Variants in FUT9 observed in about 807,000 individuals in gnomAD.
FUT9 encodes the protein fucosyltransferase 9.
FUT9 carries 15 observed loss-of-function variants against 29.7 expected under a neutral mutation model. The observed-to-expected ratio is 0.51, with a 90% CI of 0.34 to 0.78. The LOEUF (loss-of-function observed/expected upper bound fraction) is 0.78, where lower values mean the gene tolerates loss of function less well. Ranked by LOEUF, FUT9 falls within the 30% of genes least tolerant of loss-of-function variation. The pLI is 0.01. For missense variants in FUT9, 319 were observed against 425.4 expected, an observed-to-expected ratio of 0.75 and a Z score of 2.20; for synonymous variants, 169 against 153.7, an observed-to-expected ratio of 1.10 and a Z score of -0.74.
At chr6:96,031,954 T>C (rs1403887905) in intron 1 of FUT9, among the ~76,000 whole-genome samples, 1 of 151,552 alleles carries the variant, frequency 6.6e-6, no homozygotes, top group Non-Finnish European at 1.5e-5. Flanking sequence ...CTGTAGCCAA[T>C]GTGGCCTATG....
At chr6:96,101,699 G>A (rs1771588551) in intron 1 of FUT9, among the ~76,000 whole-genome samples, 2 of 151,902 alleles carry the variant, frequency 1.3e-5, no homozygotes, top group South Asian at 4.2e-4. Flanking sequence ...TGTTGCCCAG[G>A]CTGGAGTGCA....
At chr6:96,080,372 A>G (rs1475166756) in intron 1 of FUT9, among the ~76,000 whole-genome samples, 173 of 152,152 alleles carry the variant, frequency 1.1e-3, no homozygotes, top group Non-Finnish European at 1.6e-4. Context: ...TGAAGAGATC[A>G]ATAAAATGAA....
intron 2 of FUT9, among the ~76,000 whole-genome samples, chr6:96,129,978 A>T (rs528551256): frequency 4.6e-5 from 7 of 152,054 alleles, no homozygotes; most frequent in Non-Finnish European, 8.8e-5. Flanking sequence ...ATTTTACCAC[A>T]GTTGTAGGGC....
At chr6:96,197,200 G>A (rs1459868740) in intron 2 of FUT9, among the ~76,000 whole-genome samples, 1 of 152,136 alleles carries the variant, frequency 6.6e-6, no homozygotes, top group Non-Finnish European at 1.5e-5. Context: ...ACTGTCTAAA[G>A]AGAAACCCAC....
At chr6:96,018,344 A>G (rs1054471639) in intron 1 of FUT9, among the ~76,000 whole-genome samples, 3 of 152,204 alleles carry the variant, frequency 2.0e-5, no homozygotes, top group Admixed American at 1.3e-4. Context: ...AATGTATTCT[A>G]ATATAATTCC....
intron 2 of FUT9, among the ~76,000 whole-genome samples, chr6:96,118,318 A>T (rs1344165125): frequency 6.8e-6 from 1 of 147,668 alleles, no homozygotes; most frequent in Non-Finnish European, 1.5e-5. Flanking sequence ...TGCAAGAACC[A>T]AAAAAAAAAG....
chr6:96,135,629 G>GAA (rs939064574), intron 2 of FUT9, among the ~76,000 whole-genome samples: 2 of 151,420 alleles, frequency 1.3e-5, no homozygotes, highest in East Asian at 3.9e-4. Flanking sequence ...CCAGTTTCAG[G>GAA]AAAAAAAAGG....
At chr6:96,144,011 T>A (rs1303258437) in intron 2 of FUT9, among the ~76,000 whole-genome samples, 1 of 152,186 alleles carries the variant, frequency 6.6e-6, no homozygotes, top group East Asian at 1.9e-4. Context: ...AATAGTGAAC[T>A]GTACCCCTTA....
chr6:96,114,326 A>G (rs1448939961), intron 2 of FUT9, among the ~76,000 whole-genome samples, 199 bp downstream of exon 2: 1 of 152,038 alleles, frequency 6.6e-6, no homozygotes, highest in Non-Finnish European at 1.5e-5. Context: ...TTAAAGTTAA[A>G]AATAATTTTC....
In FUT9 at chr6:96,204,455, T is replaced by G. The variant is rs1008934389; in HGVS notation, c.*220T>G. The G allele has an allele frequency of 3.0e-6, 1 of 328,368 alleles. No homozygotes were observed. The highest frequency in any genetic ancestry group is 5.8e-6 in the Non-Finnish European group (1 of 172,574). 20.3% of individuals were successfully genotyped at this position (328,368 alleles called of 1,614,324 possible). A position where few individuals can be genotyped will look rare whatever the true frequency, so the allele number is the denominator to read the frequency against. On this transcript the variant is annotated 3_prime_UTR_variant, in exon 3 of 3. Transcript: ENST00000302103. ...CCTGTATATACCTAATTATGTGCAC[T>G]GGAGAGTAATTTATTCTTCATTATC...
intron 2 of FUT9, among the ~76,000 whole-genome samples, chr6:96,190,639 C>G (rs191011139): frequency 6.6e-5 from 10 of 152,236 alleles, no homozygotes; most frequent in East Asian, 1.9e-4. Context: ...CTTCTCTTCT[C>G]ACTTCATTTC....
At chr6:96,154,582 G>T (rs946372468) in intron 2 of FUT9, among the ~76,000 whole-genome samples, 4 of 152,164 alleles carry the variant, frequency 2.6e-5, no homozygotes, top group Non-Finnish European at 5.9e-5. Context: ...GGTATAGTCT[G>T]ATCAAGTCAC....
At chr6:96,123,245 TTAC>T (rs1262607014) in intron 2 of FUT9, among the ~76,000 whole-genome samples, 1 of 152,162 alleles carries the variant, frequency 6.6e-6, no homozygotes, top group Non-Finnish European at 1.5e-5. Flanking sequence ...GTTGAACGAA[TTAC>T]TAACTTCCAG....
At chr6:96,117,174 TG>T (rs1367286397) in intron 2 of FUT9, among the ~76,000 whole-genome samples, 1 of 152,180 alleles carries the variant, frequency 6.6e-6, no homozygotes, top group Non-Finnish European at 1.5e-5. Context: ...GTATTTTAGT[TG>T]ATTTTTTTCA....
At position 96,208,021 on chromosome 6, in the gene FUT9, G is replaced by T. The variant is rs992558268; in HGVS notation, c.*3786G>T. 5 of 166,708 alleles carry T rather than the reference G, an allele frequency of 3.0e-5. No homozygotes were observed. Among genetic ancestry groups the T allele is most frequent in the African/African-American group, 1.2e-4 (5 of 41,390 alleles). The allele number at this position is 166,708 out of a possible 1,614,324, so 10.3% of individuals were successfully genotyped here. A position where few individuals can be genotyped will look rare whatever the true frequency, so the allele number is the denominator to read the frequency against. On this transcript the variant is annotated 3_prime_UTR_variant, in exon 3 of 3. Coordinates refer to ENST00000302103, the MANE Select transcript of FUT9 (RefSeq NM_006581.4). Reference sequence around the variant, plus strand: ...GGGAAACAAATACATGCTTAAAATTGTTATATTTACTGTAAAACTCCTGAT... The same window carrying T: ...GGGAAACAAATACATGCTTAAAATTTTTATATTTACTGTAAAACTCCTGAT...
intron 1 of FUT9, among the ~76,000 whole-genome samples, chr6:96,050,467 T>C (rs1355022259): frequency 6.6e-6 from 1 of 152,238 alleles, no homozygotes; most frequent in African/African-American, 2.4e-5. Context: ...CCCAGTGCTT[T>C]TCAAGCGATT....
At chr6:96,094,555 TGCAGA>T (rs1562122596) in intron 1 of FUT9, among the ~76,000 whole-genome samples, 1 of 152,160 alleles carries the variant, frequency 6.6e-6, no homozygotes, top group African/African-American at 2.4e-5. Flanking sequence ...AAGTAATTCA[TGCAGA>T]GCATATATTG....
At chr6:96,104,409 G>A (rs1582232272) in intron 1 of FUT9, among the ~76,000 whole-genome samples, 1 of 152,158 alleles carries the variant, frequency 6.6e-6, no homozygotes, top group South Asian at 2.1e-4. Context: ...ATGTTAAGAT[G>A]AATTTAGATC....
chr6:96,033,266 TGAA>T (rs1770294881), intron 1 of FUT9, among the ~76,000 whole-genome samples: 1 of 151,690 alleles, frequency 6.6e-6, no homozygotes, highest in Admixed American at 6.6e-5. Flanking sequence ...TGACTTTCAC[TGAA>T]TAAAGAGTAA....
Sources: allele counts gnomAD v4.1 joint callset (sites outside exome capture counted in the v4.1 genomes callset), GRCh38; gene constraint gnomAD v4.1.1; transcripts MANE v1.5; gene names NCBI Gene and HGNC (gene_info 2026-07-23, HGNC 2026-07-21).